DYNLRB2: variants seen among roughly 807,000 people sequenced by gnomAD.
The protein encoded by DYNLRB2 is bithoraxoid-like protein.
Under a neutral mutation model 12.6 loss-of-function variants are expected in DYNLRB2, and 14 were observed. That is an observed-to-expected ratio of 1.11 (90% CI 0.73 to 1.73). The LOEUF is 1.73. DYNLRB2 is among the 40% of genes most tolerant of loss of function. The pLI, the probability that DYNLRB2 is intolerant of heterozygous loss-of-function variation, is 0.00. For missense variants in DYNLRB2, 142 were observed against 117.7 expected (o/e 1.21, Z -0.95); for synonymous variants, 53 against 37.0 (o/e 1.43, Z -1.57).
In DYNLRB2 at chr16:80,549,642, G is replaced by C. The variant is rs767900680; in HGVS notation, c.238G>C (p.Val80Leu). The C allele has an allele frequency of 6.3e-7, 1 of 1,588,544 alleles. No individual in the cohort carries two copies. Among genetic ancestry groups the C allele is most frequent in the Admixed American group, 1.7e-5 (1 of 58,680 alleles). The change falls in exon 3 of 4, where the codon GTA becomes CTA. Residue 80 changes from valine (V) to leucine (L), a missense_variant. Coordinates refer to ENST00000305904, the MANE Select transcript of DYNLRB2 (RefSeq NM_130897.3). ...CAGATCAAAGAAACATGAAATCATG[G>C]TAGCTCCAGGTAATTTGGCATTTCA... ...RIRSKKHEIM[V>L]APDKEYLLIV...
chr16:80,549,521 TG>T lies in DYNLRB2; in HGVS notation c.118del (p.Val40PhefsTer10), dbSNP rs1904703309. 2.5e-6 allele frequency: 4 copies of T among 1,612,452 alleles called. No homozygotes were observed. The East Asian group carries it at 8.9e-5, about 36-fold the overall frequency. On this transcript the variant is annotated frameshift_variant, in exon 3 of 4. Transcript: ENST00000305904. LOFTEE classifies it high-confidence loss of function. ...IRTTLDNSTTVQYAGLLHHLT... is the reference protein window; with the variant it reads ...IRTTLDNSTTXQYAGLLHHLT... ...GAACAACCTTGGACAACTCAACAAC[TG>T]TTCAATATGCAGGCCTTCTTCATCA...
At chr16:80,548,335 T>G (rs911022964) in intron 2 of DYNLRB2, among the ~76,000 whole-genome samples, 3 of 152,150 alleles carry the variant, frequency 2.0e-5, no homozygotes, top group African/African-American at 7.2e-5. Context: ...GTGTTCCAAG[T>G]TGAGTTAGAT....
chr16:80,544,974 T>G (rs1485389240), intron 2 of DYNLRB2, among the ~76,000 whole-genome samples: 1 of 152,164 alleles, frequency 6.6e-6, no homozygotes, highest in African/African-American at 2.4e-5. Context: ...TAATTATATG[T>G]GCAAAGACCC....
At chr16:80,544,183 T>A (rs997754496) in intron 2 of DYNLRB2, among the ~76,000 whole-genome samples, 9 of 152,204 alleles carry the variant, frequency 5.9e-5, no homozygotes, top group South Asian at 4.1e-4. Flanking sequence ...AAAGTCTGCT[T>A]AAATTCTGAA....
At chr16:80,546,038 A>G (rs1173760131) in intron 2 of DYNLRB2, among the ~76,000 whole-genome samples, 1 of 152,168 alleles carries the variant, frequency 6.6e-6, no homozygotes, top group African/African-American at 2.4e-5. Context: ...GACACTTTTC[A>G]AGGTTTCTGG....
chr16:80,547,653 C>G, intron 2 of DYNLRB2: 1 of 411,826 alleles, frequency 2.4e-6, no homozygotes, highest in Non-Finnish European at 4.9e-6. Context: ...AGCATTGCAC[C>G]CTTAGTAGGT....
At chr16:80,546,065 A>C (rs1265144185) in intron 2 of DYNLRB2, among the ~76,000 whole-genome samples, 2 of 151,830 alleles carry the variant, frequency 1.3e-5, no homozygotes, top group East Asian at 3.9e-4. Context: ...AAGAGTTTTT[A>C]CCTGAAAGCC....
chr16:80,543,223 G>A, intron 1 of DYNLRB2, 53 bp from the exon 2 acceptor site: 2 of 1,570,098 alleles, frequency 1.3e-6, no homozygotes, highest in South Asian at 2.2e-5. Flanking sequence ...TCTCCTTAGG[G>A]TTGAAGTTAC....
Position 80,541,032 on chromosome 16 carries a change from G to T in DYNLRB2, c.-45G>T. The T allele has an allele frequency of 6.2e-7, 1 of 1,601,314 alleles. No individual in the cohort carries two copies. Among genetic ancestry groups the T allele is most frequent in the South Asian group, 1.1e-5 (1 of 89,656 alleles). ...GCGGGTAGCGTTGTTGACATCCCGG[G>T]AGGCTGTGCCGCCGGCCTGAGCCCA... On this transcript the variant is annotated 5_prime_UTR_variant, in exon 1 of 4. Coordinates refer to ENST00000305904, the MANE Select transcript of DYNLRB2 (RefSeq NM_130897.3).
At chr16:80,541,165 C>G in intron 1 of DYNLRB2, 86 bp downstream of exon 1, 1 of 1,515,742 alleles carries the variant, frequency 6.6e-7, no homozygotes, top group Non-Finnish European at 8.9e-7. Context: ...GGGGCCCACC[C>G]AGGCACGGGC....
rs1008667417 is a variant in DYNLRB2, at chr16:80,545,054, G to A, written c.79+1703G>A. Among the ~76,000 whole-genome samples the A allele has an allele frequency of 9.2e-5, 14 of 152,226 alleles. No individual in the cohort carries two copies. In the South Asian group the frequency reaches 2.1e-3, roughly 23 times the overall value. Reference sequence around the variant, plus strand: ...TTTGGGGATTTGGGGGGTCTAGGGGGACACTCTTCAACCCTGTACAGGTGC... The same window carrying A: ...TTTGGGGATTTGGGGGGTCTAGGGGAACACTCTTCAACCCTGTACAGGTGC... On this transcript the variant is annotated intron_variant, in intron 2 of 3. Coordinates refer to ENST00000305904, the MANE Select transcript of DYNLRB2 (RefSeq NM_130897.3).
At position 80,550,560 on chromosome 16, in the gene DYNLRB2, C is replaced by T. The variant is rs1379336673; in HGVS notation, c.*2C>T. ...GTCATTCAGAATCCATGTGAATAGA[C>T]CTGCGATGGCCAAGGCTGTTTAAGC... On this transcript the variant is annotated 3_prime_UTR_variant, in exon 4 of 4. Coordinates refer to ENST00000305904, the MANE Select transcript of DYNLRB2 (RefSeq NM_130897.3). 1 of 1,614,156 alleles carries T rather than the reference C, an allele frequency of 6.2e-7. No homozygotes were observed. The highest frequency in any genetic ancestry group is 1.1e-5 in the South Asian group (1 of 91,088).
chr16:80,546,586 G>C (rs1175978466), intron 2 of DYNLRB2, among the ~76,000 whole-genome samples: 1 of 152,074 alleles, frequency 6.6e-6, no homozygotes, highest in African/African-American at 2.4e-5. Flanking sequence ...GTAGATTTTT[G>C]TTAGCATTGG....
At chr16:80,550,446 A>G (rs1904772058) in intron 3 of DYNLRB2, 69 bp from the exon 4 acceptor site, 1 of 1,582,156 alleles carries the variant, frequency 6.3e-7, no homozygotes, top group Non-Finnish European at 8.7e-7. Flanking sequence ...AGAAAAAAGA[A>G]GACTAGTTGA....
chr16:80,548,831 T>C, intron 2 of DYNLRB2: 2 of 421,622 alleles, frequency 4.7e-6, no homozygotes, highest in South Asian at 1.7e-5. Context: ...AATATCCTTA[T>C]TACCACATTT....
chr16:80,543,241 C>T (rs1285155859), intron 1 of DYNLRB2, 35 bp from the exon 2 acceptor site: 1 of 1,603,614 alleles, frequency 6.2e-7, no homozygotes, highest in East Asian at 2.2e-5. Flanking sequence ...TACCACAGGG[C>T]CCTTTTGGTT....
At chr16:80,548,565 TACA>T (rs1904625644) in intron 2 of DYNLRB2, among the ~76,000 whole-genome samples, 1 of 151,910 alleles carries the variant, frequency 6.6e-6, no homozygotes, top group Non-Finnish European at 1.5e-5. Flanking sequence ...CTACTAAAAA[TACA>T]ACAATTAGCC....
intron 2 of DYNLRB2, among the ~76,000 whole-genome samples, chr16:80,547,196 C>G (rs995666777): frequency 1.6e-4 from 25 of 152,036 alleles, no homozygotes; most frequent in Admixed American, 1.2e-3. Context: ...CAAACAATTT[C>G]CAAAGAGTAT....
At chr16:80,545,045 G>T (rs1904363739) in intron 2 of DYNLRB2, among the ~76,000 whole-genome samples, 3 of 152,128 alleles carry the variant, frequency 2.0e-5, no homozygotes, top group Admixed American at 6.5e-5. Context: ...GATTTGGGGG[G>T]TCTAGGGGGA....
Sources: allele counts gnomAD v4.1 joint callset (sites outside exome capture counted in the v4.1 genomes callset), GRCh38; gene constraint gnomAD v4.1.1; transcripts MANE v1.5; gene names NCBI Gene and HGNC (gene_info 2026-07-23, HGNC 2026-07-21).